Variants in PRDM5 observed in about 807,000 individuals in gnomAD.
PRDM5 encodes PR domain zinc finger protein 5.
A neutral mutation model predicts 81.2 loss-of-function variants in PRDM5; 56 were observed. That is an observed-to-expected ratio of 0.69 (90% CI 0.56 to 0.86). The LOEUF (loss-of-function observed/expected upper bound fraction) is 0.86, where lower values mean the gene tolerates loss of function less well. Ranked by LOEUF, PRDM5 falls within the 40% of genes least tolerant of loss-of-function variation. PRDM5 has a pLI of 0.00. For missense variants in PRDM5, 697 were observed against 770.1 expected (o/e 0.91, Z 1.12); for synonymous variants, 267 against 256.4 (o/e 1.04, Z -0.39).
chr4:120,751,809 CA>C (rs1221848707), intron 14 of PRDM5, among the ~76,000 whole-genome samples: 7 of 152,178 alleles, frequency 4.6e-5, no homozygotes, highest in Non-Finnish European at 1.0e-4. Context: ...AGCATTCGTG[CA>C]GTCACCATAG....
At position 120,765,526 on chromosome 4, in the gene PRDM5, G is replaced by A. The variant is rs545846314; in HGVS notation, c.1538-10888C>T. Among the ~76,000 whole-genome samples, 19 of 152,314 alleles carry A rather than the reference G, an allele frequency of 1.2e-4. No homozygotes were observed. The East Asian group carries it at 3.3e-3, about 26-fold the overall frequency. On this transcript the variant is annotated intron_variant, in intron 13 of 15. Transcript: ENST00000264808. ...CAGGAGACTGTGCTCTACTATTTCA[G>A]CTGACCCACAGAGTGCCATCTCTGT...
intron 12 of PRDM5, among the ~76,000 whole-genome samples, chr4:120,780,074 T>G (rs1019509870): frequency 6.6e-6 from 1 of 152,146 alleles, no homozygotes; most frequent in Non-Finnish European, 1.5e-5. Context: ...ATAAGATAGA[T>G]AGATACTGAA....
intron 14 of PRDM5, among the ~76,000 whole-genome samples, chr4:120,741,526 T>G (rs1741953097): frequency 6.6e-6 from 1 of 151,468 alleles, no homozygotes; most frequent in African/African-American, 2.4e-5. Flanking sequence ...CGGGTTCATC[T>G]CACTAGGGAG....
intron 13 of PRDM5, among the ~76,000 whole-genome samples, chr4:120,763,534 C>T (rs1407516655): frequency 6.6e-6 from 1 of 152,068 alleles, no homozygotes; most frequent in African/African-American, 2.4e-5. Context: ...AGACACTGGC[C>T]AAGTTTTCAA....
Position 120,695,171 on chromosome 4 carries a change from A to T in PRDM5, c.1833T>A (p.Phe611Leu), listed in dbSNP as rs764476053. 6.2e-7 allele frequency: 1 copy of T among 1,613,600 alleles called. No homozygotes were observed. The highest frequency in any genetic ancestry group is 8.5e-7 in the Non-Finnish European group (1 of 1,179,604). The change falls in exon 16 of 16, where the codon TTT (phenylalanine) becomes TTA (leucine). Residue 611 changes from phenylalanine to leucine, a missense_variant. Around this residue, in one of 3 missense-constraint regions of PRDM5, gnomAD observed 34 missense variants for 28.1 expected, o/e 1.21. Coordinates refer to ENST00000264808, the MANE Select transcript of PRDM5 (RefSeq NM_018699.4). ...LAECQFCHKK[F>L]TRNDYLKVHM... Reference sequence around the variant, plus strand: ...GCACTTTGAGGTAGTCATTCCTTGTAAACTTCTTATGGCAAAACTGGCATT... The same window carrying T: ...GCACTTTGAGGTAGTCATTCCTTGTTAACTTCTTATGGCAAAACTGGCATT...
intron 8 of PRDM5, among the ~76,000 whole-genome samples, chr4:120,800,409 A>C (rs1567553): frequency 0.91 from 138,036 of 152,004 alleles, 62,839 homozygotes; most frequent in African/African-American, 0.96. Context: ...CCCAGCTACA[A>C]AGGAGGCTGA....
At chr4:120,759,445 A>G (rs1264640753) in intron 13 of PRDM5, among the ~76,000 whole-genome samples, 2 of 152,206 alleles carry the variant, frequency 1.3e-5, no homozygotes, top group Non-Finnish European at 2.9e-5. Context: ...TGTCCCACAC[A>G]ATCGGAACCT....
chr4:120,782,103 C>T (rs1749123946), intron 11 of PRDM5, among the ~76,000 whole-genome samples: 1 of 152,038 alleles, frequency 6.6e-6, no homozygotes. Flanking sequence ...ACACATGGGC[C>T]TAAGTTTTAG....
intron 10 of PRDM5, among the ~76,000 whole-genome samples, chr4:120,788,784 A>T (rs1212935917): frequency 6.6e-6 from 1 of 152,226 alleles, no homozygotes; most frequent in Non-Finnish European, 1.5e-5. Context: ...ATGTCTGTGC[A>T]TAGCCAGGTG....
chr4:120,730,299 G>T (rs928602290), intron 14 of PRDM5, among the ~76,000 whole-genome samples: 6 of 151,992 alleles, frequency 3.9e-5, no homozygotes, highest in Non-Finnish European at 7.3e-5. Flanking sequence ...GATATTTTAC[G>T]TATTATATTA....
chr4:120,728,372 T>C (rs1739756006), intron 14 of PRDM5, among the ~76,000 whole-genome samples: 2 of 152,200 alleles, frequency 1.3e-5, no homozygotes, highest in Non-Finnish European at 1.5e-5. Flanking sequence ...TTCTGTTTCC[T>C]ATTATTTCCA....
chr4:120,753,715 A>T (rs1343431092), intron 14 of PRDM5, among the ~76,000 whole-genome samples: 2 of 152,322 alleles, frequency 1.3e-5, no homozygotes, highest in East Asian at 3.9e-4. Context: ...GAAAAAAAAA[A>T]TACATCATTT....
chr4:120,698,572 C>T (rs762844147), intron 15 of PRDM5, among the ~76,000 whole-genome samples: 1 of 152,136 alleles, frequency 6.6e-6, no homozygotes, highest in Non-Finnish European at 1.5e-5. Flanking sequence ...TATTTTTAGT[C>T]CAGTCCCCCT....
intron 10 of PRDM5, among the ~76,000 whole-genome samples, chr4:120,791,949 C>A (rs1166087223): frequency 6.6e-6 from 1 of 152,162 alleles, no homozygotes; most frequent in Non-Finnish European, 1.5e-5. Flanking sequence ...TCACTAGATA[C>A]CAGATTTGCC....
In PRDM5 at chr4:120,748,036, G is replaced by C. The variant is rs78787596; in HGVS notation, c.1623+6517C>G. On this transcript the variant is annotated intron_variant, in intron 14 of 15. Coordinates refer to ENST00000264808, the MANE Select transcript of PRDM5 (RefSeq NM_018699.4). ...TTATAAAATGGGTATTTATGAGCTT[G>C]TGTCCTAACTCAATGAGTGACTGTT... Among the ~76,000 whole-genome samples, 10 of 152,310 alleles carry C rather than the reference G, an allele frequency of 6.6e-5. No homozygotes were observed. In the East Asian group the frequency reaches 1.9e-3, roughly 29 times the overall value.
At chr4:120,751,627 G>A (rs1744018647) in intron 14 of PRDM5, among the ~76,000 whole-genome samples, 1 of 152,100 alleles carries the variant, frequency 6.6e-6, no homozygotes, top group African/African-American at 2.4e-5. Context: ...CAAATATAAA[G>A]AGAATATACT....
chr4:120,765,029 T>C (rs1746181098), intron 13 of PRDM5, among the ~76,000 whole-genome samples: 1 of 152,146 alleles, frequency 6.6e-6, no homozygotes, highest in African/African-American at 2.4e-5. Context: ...TATTGCTCTA[T>C]AATTACTTAT....
At chr4:120,716,934 A>G (rs75628591) in intron 14 of PRDM5, among the ~76,000 whole-genome samples, 6,814 of 152,168 alleles carry the variant, frequency 0.045, 220 homozygotes, top group East Asian at 0.1. Flanking sequence ...CATTACCCCT[A>G]ATAAGCCATG....
At chr4:120,760,711 T>C (rs1745480883) in intron 13 of PRDM5, among the ~76,000 whole-genome samples, 1 of 152,018 alleles carries the variant, frequency 6.6e-6, no homozygotes, top group Non-Finnish European at 1.5e-5. Context: ...ACAAAGTGGA[T>C]ACTCCATGAA....
Sources: allele counts gnomAD v4.1 joint callset (sites outside exome capture counted in the v4.1 genomes callset), GRCh38; gene constraint gnomAD v4.1.1; regional missense constraint gnomAD v4.1.1; transcripts MANE v1.5; gene names NCBI Gene and HGNC (gene_info 2026-07-23, HGNC 2026-07-21).